ZHX2: variants seen among roughly 807,000 people sequenced by gnomAD.
ZHX2 encodes zinc fingers and homeoboxes protein 2.
Under a neutral mutation model 21.9 loss-of-function variants are expected in ZHX2, and 6 were observed. That is an observed-to-expected ratio of 0.27 (90% confidence interval 0.15 to 0.54). ZHX2 has a LOEUF of 0.54. Ranked by LOEUF, ZHX2 falls within the 20% of genes least tolerant of loss-of-function variation. The pLI, the probability that ZHX2 is intolerant of heterozygous loss-of-function variation, is 0.95. For synonymous variants in ZHX2, 434 were observed against 437.1 expected, an observed-to-expected ratio of 0.99 and a Z score of 0.09; for missense variants, 908 against 1,090.7, an observed-to-expected ratio of 0.83 and a Z score of 2.36.
chr8:122,953,251 C>T lies in ZHX2; in HGVS notation c.1741C>T (p.Arg581Trp), dbSNP rs148330792. 1.3e-5 allele frequency: 21 copies of T among 1,613,770 alleles called. No individual in the cohort carries two copies. Among genetic ancestry groups the T allele is most frequent in the African/African-American group, 5.3e-5 (4 of 74,856 alleles). The change falls in exon 3 of 4, where the codon CGG (arginine) becomes TGG (tryptophan). Residue 581 changes from arginine to tryptophan, a missense_variant. Coordinates refer to ENST00000314393, the MANE Select transcript of ZHX2 (RefSeq NM_014943.5). The surrounding 1 kb of genome is among the most constrained non-coding windows in gnomAD (Gnocchi z 4.6). ...GATCGACTCCTGGTTCTCGGAGAGGCGGAAGCTTCGAGACAGCATGGAACA... is the reference window on the plus strand; with the variant it reads ...GATCGACTCCTGGTTCTCGGAGAGGTGGAAGCTTCGAGACAGCATGGAACA... ...REIDSWFSER[R>W]KLRDSMEQAV... is the part of the protein sequence containing the mutation.
chr8:122,843,941 G>A (rs1026255861), intron 1 of ZHX2, among the ~76,000 whole-genome samples: 1 of 142,146 alleles, frequency 7.0e-6, no homozygotes, highest in Non-Finnish European at 1.5e-5. Flanking sequence ...TCTACACTTC[G>A]CTTTTTGTTC....
chr8:122,851,526 T>C lies in ZHX2; in HGVS notation c.-282-11951T>C, dbSNP rs142855034. Among the ~76,000 whole-genome samples, 49 of 152,328 alleles carry C rather than the reference T, an allele frequency of 3.2e-4. No individual in the cohort carries two copies. The South Asian group carries it at 3.7e-3, about 12-fold the overall frequency. On this transcript the variant is annotated intron_variant, in intron 1 of 3. Transcript: ENST00000314393. ...TCTGGTTTTTCTTCAAAACATTTAGTGCAAGGTCAGATTGTCTGCTTTCCC... is the reference window on the plus strand; with the variant it reads ...TCTGGTTTTTCTTCAAAACATTTAGCGCAAGGTCAGATTGTCTGCTTTCCC...
At chr8:122,888,706 C>T (rs545830212) in intron 2 of ZHX2, among the ~76,000 whole-genome samples, 62 of 152,344 alleles carry the variant, frequency 4.1e-4, no homozygotes, top group Non-Finnish European at 7.2e-4. Context: ...TGGTCTCGAA[C>T]TCCTGACCTC....
chr8:122,881,071 G>C (rs72717986), intron 2 of ZHX2, among the ~76,000 whole-genome samples: 1 of 152,294 alleles, frequency 6.6e-6, no homozygotes, highest in Non-Finnish European at 1.5e-5. Flanking sequence ...ATTGACCTAC[G>C]TGACTGAGTG....
At chr8:122,808,546 G>A (rs948564246) in intron 1 of ZHX2, among the ~76,000 whole-genome samples, 4 of 152,168 alleles carry the variant, frequency 2.6e-5, no homozygotes, top group Non-Finnish European at 5.9e-5. Flanking sequence ...CCTCCCACCA[G>A]GTCCCTCCCG....
chr8:122,880,718 T>C (rs1193930349), intron 2 of ZHX2, among the ~76,000 whole-genome samples: 1 of 114,164 alleles, frequency 8.8e-6, no homozygotes, highest in Non-Finnish European at 1.9e-5. Context: ...GAGGTTGCAG[T>C]GAGCCAAGAT....
At chr8:122,871,618 G>A (rs1163976223) in intron 2 of ZHX2, among the ~76,000 whole-genome samples, 1 of 146,522 alleles carries the variant, frequency 6.8e-6, no homozygotes, top group East Asian at 2.1e-4. Context: ...TATGGCACAT[G>A]TATACATATG....
In ZHX2 at chr8:122,868,698, C is replaced by CAAA. The variant is rs35306891; in HGVS notation, c.-220+5180_-220+5182dup. 1.1e-4 allele frequency among the ~76,000 whole-genome samples: 11 copies of CAAA among 100,642 alleles called. 1 individual carries two copies. Among genetic ancestry groups the CAAA allele is most frequent in the Non-Finnish European group, 1.9e-4 (10 of 52,338 alleles). The allele number at this position is 100,642 out of a possible 152,430, so 66.0% of individuals were successfully genotyped here. On this transcript the variant is annotated intron_variant, in intron 2 of 3. Coordinates refer to ENST00000314393, the MANE Select transcript of ZHX2 (RefSeq NM_014943.5). ...CCTGGGTGGCAGAGCAAGACTCCGTCAAAAAAAAAAAAAAAAAAAAAAATA... is the reference window on the plus strand; with the variant it reads ...CCTGGGTGGCAGAGCAAGACTCCGTCAAAAAAAAAAAAAAAAAAAAAAAAAATA...
At chr8:122,890,850 T>A (rs1378102451) in intron 2 of ZHX2, among the ~76,000 whole-genome samples, 1 of 152,032 alleles carries the variant, frequency 6.6e-6, no homozygotes, top group South Asian at 2.1e-4. Flanking sequence ...TTTCTAAGAG[T>A]TTTTTAGTGG....
At chr8:122,814,375 T>C (rs1185846908) in intron 1 of ZHX2, among the ~76,000 whole-genome samples, 1 of 152,230 alleles carries the variant, frequency 6.6e-6, no homozygotes, top group Non-Finnish European at 1.5e-5. Context: ...ATATTACTGT[T>C]GTGAAAAAGC....
At chr8:122,940,857 C>A (rs375930036) in intron 2 of ZHX2, among the ~76,000 whole-genome samples, 1 of 152,112 alleles carries the variant, frequency 6.6e-6, no homozygotes, top group Non-Finnish European at 1.5e-5. Context: ...AGCAAGCCAT[C>A]GAACCTCTCT....
At chr8:122,863,130 A>G (rs1385633045) in intron 1 of ZHX2, among the ~76,000 whole-genome samples, 1 of 152,130 alleles carries the variant, frequency 6.6e-6, no homozygotes, top group Admixed American at 6.5e-5. Flanking sequence ...GCTGCCAGGA[A>G]GACTCAAGGG....
At chr8:122,850,417 C>T (rs1022551794) in intron 1 of ZHX2, among the ~76,000 whole-genome samples, 1 of 152,160 alleles carries the variant, frequency 6.6e-6, no homozygotes. Context: ...ACGGGCAGAT[C>T]ACCTGAGGTC....
Position 122,828,421 on chromosome 8 carries a change from T to A in ZHX2, c.-282-35056T>A, listed in dbSNP as rs1818306644. Among the ~76,000 whole-genome samples, 1 of 152,140 alleles carries A rather than the reference T, an allele frequency of 6.6e-6. No homozygotes were observed. The highest frequency in any genetic ancestry group is 2.4e-5 in the African/African-American group (1 of 41,434). ...GGTGCATTCTTATGCTGGCTGAGCA[T>A]AAGGGTCATTACGTGGTCACTATGT... On this transcript the variant is annotated intron_variant, in intron 1 of 3. Transcript: ENST00000314393. The surrounding 1 kb of genome is among the most constrained non-coding windows in gnomAD (Gnocchi z 5.2).
chr8:122,792,616 G>T (rs1044888128), intron 1 of ZHX2, among the ~76,000 whole-genome samples: 2 of 152,126 alleles, frequency 1.3e-5, no homozygotes, highest in African/African-American at 4.8e-5. Context: ...TTCTGATTTT[G>T]CTGCATCTCT....
intron 1 of ZHX2, among the ~76,000 whole-genome samples, chr8:122,797,133 G>C (rs912217868): frequency 7.9e-5 from 12 of 152,178 alleles, no homozygotes; most frequent in Admixed American, 2.0e-4. Flanking sequence ...ATGATACAGT[G>C]ACAGGTAAAC....
chr8:122,936,461 C>T (rs965159412), intron 2 of ZHX2, among the ~76,000 whole-genome samples: 5 of 152,156 alleles, frequency 3.3e-5, no homozygotes, highest in Non-Finnish European at 7.3e-5. Flanking sequence ...AGAACCAACC[C>T]AAGAATGACA....
chr8:122,835,264 C>G (rs183886129), intron 1 of ZHX2, among the ~76,000 whole-genome samples: 1 of 152,172 alleles, frequency 6.6e-6, no homozygotes, highest in Non-Finnish European at 1.5e-5. Flanking sequence ...ATTCTAGCAC[C>G]GGCGCTGAAG....
intron 1 of ZHX2, among the ~76,000 whole-genome samples, chr8:122,788,524 G>A (rs904698969): frequency 1.3e-5 from 2 of 152,178 alleles, no homozygotes; most frequent in Non-Finnish European, 2.9e-5. Flanking sequence ...CCATGATCAC[G>A]TCACTGCACT....
Sources: gnomAD v4.1 joint callset for allele counts (sites outside exome capture counted in the v4.1 genomes callset) on GRCh38, gnomAD v4.1.1 for gene constraint, Gnocchi (gnomAD v3.1) non-coding constraint, MANE v1.5 for transcripts, NCBI Gene and HGNC (gene_info 2026-07-23, HGNC 2026-07-21) for gene names.